The following TMPRSS15 variants were observed in gnomAD, a reference collection of about 807,000 sequenced individuals.
The protein encoded by TMPRSS15 is enteropeptidase.
In TMPRSS15, 128 loss-of-function variants were observed where a neutral mutation model predicts 125.3. That is an observed-to-expected ratio of 1.02 (90% CI 0.89 to 1.18). The LOEUF is 1.18. Among genes scored for constraint, TMPRSS15 ranks in the 50% most tolerant of loss-of-function variants. TMPRSS15 has a pLI of 0.00. For missense variants in TMPRSS15, 1,283 were observed against 1,212.7 expected (o/e 1.06, Z -0.86); for synonymous variants, 446 against 423.2 (o/e 1.05, Z -0.66).
At chr21:18,461,195 T>A (rs1201822974) in intron 1 of TMPRSS15, among the ~76,000 whole-genome samples, 1 of 152,200 alleles carries the variant, frequency 6.6e-6, no homozygotes, top group African/African-American at 2.4e-5. Context: ...CCATCACGAT[T>A]GCCTAACAGA....
At chr21:18,396,792 A>AAAAACTGTCTGTCTGTCTG (rs1408156983) in intron 3 of TMPRSS15, among the ~76,000 whole-genome samples, 1 of 112,792 alleles carries the variant, frequency 8.9e-6, no homozygotes, top group Non-Finnish European at 1.8e-5. Context: ...AAAAAAAAAA[A>AAAAACTGTCTGTCTGTCTG]TCTGTCTGTC....
At chr21:18,441,237 G>A (rs1054263408) in intron 1 of TMPRSS15, among the ~76,000 whole-genome samples, 1 of 151,744 alleles carries the variant, frequency 6.6e-6, no homozygotes, top group Non-Finnish European at 1.5e-5. Flanking sequence ...AGGTTGCAGT[G>A]AGCCCTGCAC....
intron 14 of TMPRSS15, 104 bp downstream of exon 14, chr21:18,331,980 G>T: frequency 1.1e-6 from 1 of 920,232 alleles, no homozygotes; most frequent in Non-Finnish European, 1.8e-6. Context: ...CATGATAGGC[G>T]TACCCATGTT....
At chr21:18,371,225 A>G (rs1242456147) in intron 6 of TMPRSS15, among the ~76,000 whole-genome samples, 1 of 152,176 alleles carries the variant, frequency 6.6e-6, no homozygotes, top group Non-Finnish European at 1.5e-5. Context: ...GAACAATTAT[A>G]ACAATACTCA....
chr21:18,316,893 C>T (rs1351930372), intron 16 of TMPRSS15, among the ~76,000 whole-genome samples: 1 of 152,064 alleles, frequency 6.6e-6, no homozygotes, highest in Admixed American at 6.6e-5. Flanking sequence ...AGTAGGAACT[C>T]CATGAGGGCC....
chr21:18,479,007 T>C (rs1601477522), intron 1 of TMPRSS15, among the ~76,000 whole-genome samples: 1 of 151,956 alleles, frequency 6.6e-6, no homozygotes, highest in Non-Finnish European at 1.5e-5. Flanking sequence ...GGATTTTGGA[T>C]ATTTGCATTA....
intron 13 of TMPRSS15, among the ~76,000 whole-genome samples, chr21:18,337,391 T>C (rs758808105): frequency 1.3e-5 from 2 of 152,248 alleles, no homozygotes; most frequent in Non-Finnish European, 2.9e-5. Flanking sequence ...GATTTTGTTT[T>C]GTATACACCT....
chr21:18,362,319 A>G (rs1029443316), intron 7 of TMPRSS15, among the ~76,000 whole-genome samples: 5 of 152,154 alleles, frequency 3.3e-5, no homozygotes, highest in Admixed American at 1.3e-4. Flanking sequence ...TCTTAACTAA[A>G]GTTCTGGTGT....
intron 1 of TMPRSS15, among the ~76,000 whole-genome samples, chr21:18,411,887 A>G (rs535062150): frequency 8.5e-5 from 13 of 152,316 alleles, no homozygotes; most frequent in Non-Finnish European, 1.8e-4. Context: ...AACTCTATTC[A>G]TGGCAGTATT....
Position 18,385,430 on chromosome 21 carries a change from C to T in TMPRSS15, c.345-1652G>A, listed in dbSNP as rs181679372. On this transcript the variant is annotated intron_variant, in intron 3 of 24. Coordinates refer to ENST00000284885, the MANE Select transcript of TMPRSS15 (RefSeq NM_002772.3). ...TCTTTATACCAAACATGGTTTTATT[C>T]GTGGGTGTATTACCTGGCCTTGGTC... 3.4e-3 allele frequency among the ~76,000 whole-genome samples: 514 copies of T among 152,180 alleles called. 3 individuals are homozygous for T. Among genetic ancestry groups the T allele is most frequent in the African/African-American group, 0.011 (462 of 41,528 alleles).
chr21:18,473,427 A>T (rs1410226734), intron 1 of TMPRSS15, among the ~76,000 whole-genome samples: 1 of 152,150 alleles, frequency 6.6e-6, no homozygotes, highest in Non-Finnish European at 1.5e-5. Flanking sequence ...CAGGAAAAGC[A>T]TGCTAAATAG....
intron 21 of TMPRSS15, among the ~76,000 whole-genome samples, chr21:18,287,423 A>T (rs1353173015): frequency 6.6e-6 from 1 of 152,114 alleles, no homozygotes; most frequent in East Asian, 1.9e-4. Flanking sequence ...TAATGTTTAG[A>T]GTCTCAAACT....
intron 17 of TMPRSS15, among the ~76,000 whole-genome samples, chr21:18,314,171 A>C (rs1232491150): frequency 6.6e-6 from 1 of 152,194 alleles, no homozygotes; most frequent in East Asian, 1.9e-4. Context: ...CTACAGAATT[A>C]TACAAACGTA....
At chr21:18,375,820 T>A (rs947571023) in intron 5 of TMPRSS15, among the ~76,000 whole-genome samples, 3 of 152,168 alleles carry the variant, frequency 2.0e-5, no homozygotes, top group Non-Finnish European at 4.4e-5. Context: ...TCCAGTGATT[T>A]GACATTAGGA....
At chr21:18,438,455 C>A (rs7281375) in intron 1 of TMPRSS15, among the ~76,000 whole-genome samples, 16,634 of 151,654 alleles carry the variant, frequency 0.11, 1,015 homozygotes, top group African/African-American at 0.13. Flanking sequence ...GTGCACATGT[C>A]CCCTAAAACT....
intron 21 of TMPRSS15, 41 bp downstream of exon 21, chr21:18,294,229 G>A (rs2074872741): frequency 1.9e-6 from 3 of 1,612,274 alleles, no homozygotes; most frequent in Non-Finnish European, 1.7e-6. Flanking sequence ...TGTCTGCTGT[G>A]GTGACCTAGT....
chr21:18,413,102 T>C (rs549168062), intron 1 of TMPRSS15, among the ~76,000 whole-genome samples: 2 of 152,282 alleles, frequency 1.3e-5, no homozygotes, highest in East Asian at 3.9e-4. Context: ...AGTTTAGATG[T>C]GGTCATGTGT....
At chr21:18,384,500 T>C (rs1430902608) in intron 3 of TMPRSS15, among the ~76,000 whole-genome samples, 1 of 152,158 alleles carries the variant, frequency 6.6e-6, no homozygotes, top group East Asian at 1.9e-4. Flanking sequence ...CCCTGCTCTG[T>C]ACCATGCATT....
intron 1 of TMPRSS15, among the ~76,000 whole-genome samples, chr21:18,438,157 T>A (rs1282691182): frequency 6.6e-6 from 1 of 150,836 alleles, no homozygotes; most frequent in Non-Finnish European, 1.5e-5. Context: ...TAAAAAATGA[T>A]GAGTTCATGT....
Sources: gnomAD v4.1 joint callset for allele counts (sites outside exome capture counted in the v4.1 genomes callset) on GRCh38, gnomAD v4.1.1 for gene constraint, MANE v1.5 for transcripts, NCBI Gene and HGNC (gene_info 2026-07-23, HGNC 2026-07-21) for gene names.